HCRTR2: variants seen among roughly 807,000 people sequenced by gnomAD.
HCRTR2 encodes the protein orexin receptor type 2.
In HCRTR2, 22 loss-of-function variants were observed where a neutral mutation model predicts 49.0. The ratio of observed to expected loss-of-function variants is 0.45; its 90% CI spans 0.32 to 0.64. The LOEUF (loss-of-function observed/expected upper bound fraction) is 0.64. HCRTR2 is among the 30% of genes least tolerant of loss of function. The probability of loss-of-function intolerance (pLI) is 0.04; values close to 1 mark genes in which losing one functional copy is unlikely to be tolerated. For missense variants in HCRTR2, 491 were observed against 559.4 expected (o/e 0.88, Z 1.23); for synonymous variants, 236 against 205.3 (o/e 1.15, Z -1.28).
At chr6:55,184,766 T>C (rs1765189835) in intron 1 of HCRTR2, among the ~76,000 whole-genome samples, 1 of 152,214 alleles carries the variant, frequency 6.6e-6, no homozygotes, top group Admixed American at 6.5e-5. Flanking sequence ...AATTATAATA[T>C]CCTTTTGTAG....
At chr6:55,169,897 C>T (rs1764924401), upstream of HCRTR2, among the ~76,000 whole-genome samples, 2 of 151,878 alleles carry the variant, frequency 1.3e-5, no homozygotes, top group African/African-American at 2.4e-5. Flanking sequence ...TAGCCGAACT[C>T]CTGGACACAC....
intron 1 of HCRTR2, among the ~76,000 whole-genome samples, chr6:55,113,941 A>G (rs2127611456): frequency 6.6e-6 from 1 of 151,852 alleles, no homozygotes; most frequent in African/African-American, 2.4e-5. Context: ...GGTATATATA[A>G]TGGAATACTA....
At position 55,277,273 on chromosome 6, in the gene HCRTR2, A is replaced by C. The variant is rs768132009; in HGVS notation, c.763-107A>C. On this transcript the variant is annotated intron_variant, in intron 4 of 6. Transcript: ENST00000370862. ...AGAAACAGGCGCTCAAACCTCCCAC[A>C]CCTCAGGCGTCTGGAAGCCTTTCCT... is the stretch of plus-strand genomic sequence containing the variant. 4.5e-6 allele frequency: 4 copies of C among 888,988 alleles called. 1 individual carries two copies. The Admixed American group carries it at 5.8e-5, about 13-fold the overall frequency. The allele number at this position is 888,988 out of a possible 1,614,324, so 55.1% of individuals were successfully genotyped here. A position where few individuals can be genotyped will look rare whatever the true frequency, so the allele number is the denominator to read the frequency against.
intron 4 of HCRTR2, among the ~76,000 whole-genome samples, chr6:55,274,239 GTA>G (rs61667408): frequency 0.49 from 57,785 of 119,122 alleles, 17,569 homozygotes; most frequent in South Asian, 0.59. Flanking sequence ...ATCATTTTCA[GTA>G]TATATATATA....
chr6:55,181,157 A>G (rs566662665), intron 1 of HCRTR2, among the ~76,000 whole-genome samples: 1 of 66,494 alleles, frequency 1.5e-5, no homozygotes, highest in Non-Finnish European at 3.7e-5. Context: ...TCAGAATAAT[A>G]TATTATATGT....
intron 1 of HCRTR2, among the ~76,000 whole-genome samples, chr6:55,117,853 C>G (rs1453010412): frequency 2.8e-5 from 4 of 143,074 alleles, no homozygotes; most frequent in African/African-American, 9.9e-5. Flanking sequence ...ATTTTTACTT[C>G]CCTCCACAGA....
intron 1 of HCRTR2, among the ~76,000 whole-genome samples, chr6:55,221,656 A>T (rs1176862279): frequency 3.3e-5 from 5 of 151,874 alleles, no homozygotes; most frequent in Admixed American, 2.6e-4. Context: ...TACTAAAAAT[A>T]CAAAAAATTA....
chr6:55,231,356 G>A (rs1426743749), intron 1 of HCRTR2, among the ~76,000 whole-genome samples: 1 of 152,226 alleles, frequency 6.6e-6, no homozygotes, highest in South Asian at 2.1e-4. Context: ...TCTCTTTTAA[G>A]AGAAGTAAGA....
intron 1 of HCRTR2, among the ~76,000 whole-genome samples, chr6:55,167,852 AAG>A (rs1327395811): frequency 6.6e-5 from 10 of 152,296 alleles, no homozygotes; most frequent in African/African-American, 2.2e-4. Flanking sequence ...TTGAAAAGAA[AAG>A]AGAATTTTTA....
intron 1 of HCRTR2, among the ~76,000 whole-genome samples, chr6:55,247,596 T>G (rs1766470507): frequency 6.6e-6 from 1 of 152,088 alleles, no homozygotes; most frequent in South Asian, 2.1e-4. Context: ...AGCAAACCCA[T>G]GAATAGATGT....
chr6:55,248,896 A>G, intron 2 of HCRTR2, 79 bp downstream of exon 2: 1 of 1,161,888 alleles, frequency 8.6e-7, no homozygotes, highest in Non-Finnish European at 1.3e-6. Context: ...TAAATTAACT[A>G]GTGAGTTGAG....
In HCRTR2 at chr6:55,244,148, A is replaced by C. The variant is rs146482857; in HGVS notation, c.224-4491A>C. The stretch of plus-strand genomic sequence containing the variant: ...ACATTATAAGGGATAAAGGGCAAAA[A>C]TTCAACAGAAACCCAGTTACTATTG... On this transcript the variant is annotated intron_variant, in intron 1 of 6. Transcript: ENST00000370862. 3.8e-3 allele frequency among the ~76,000 whole-genome samples: 580 copies of C among 152,134 alleles called. 3 individuals carry two copies. The highest frequency in any genetic ancestry group is 0.017 in the Middle Eastern group (5 of 294).
In HCRTR2 at chr6:55,174,549, G is replaced by A. The variant is rs1765000871; in HGVS notation, c.-39G>A. 1 of 1,529,716 alleles carries A rather than the reference G, an allele frequency of 6.5e-7. No homozygotes were observed. Among genetic ancestry groups the A allele is most frequent in the African/African-American group, 1.4e-5 (1 of 73,272 alleles). The allele number at this position is 1,529,716 out of a possible 1,614,324, so 94.8% of individuals were successfully genotyped here. A position where few individuals can be genotyped will look rare whatever the true frequency, so the allele number is the denominator to read the frequency against. On this transcript the variant is annotated 5_prime_UTR_variant, in exon 1 of 7. Coordinates refer to ENST00000370862, the MANE Select transcript of HCRTR2 (RefSeq NM_001384272.1). ...CAGTGCTCATGGGGCAGGCGGAGAG[G>A]AGCTTGCAGCATTGAGCGGAACCGG...
intron 1 of HCRTR2, among the ~76,000 whole-genome samples, chr6:55,133,986 C>T (rs1451249297): frequency 1.3e-5 from 2 of 151,848 alleles, no homozygotes; most frequent in African/African-American, 4.8e-5. Context: ...TCAAATGTCA[C>T]TTAGTAAATG....
chr6:55,185,833 A>G (rs1321698755), intron 1 of HCRTR2, among the ~76,000 whole-genome samples: 1 of 152,214 alleles, frequency 6.6e-6, no homozygotes, highest in Non-Finnish European at 1.5e-5. Context: ...TTTTCCTTGA[A>G]TAGACAATAT....
intron 1 of HCRTR2, among the ~76,000 whole-genome samples, chr6:55,145,553 G>C (rs902767686): frequency 6.6e-6 from 1 of 152,028 alleles, no homozygotes; most frequent in Non-Finnish European, 1.5e-5. Context: ...TGGGACTACA[G>C]ACGCCCGCCA....
chr6:55,270,444 C>T (rs1766951500), intron 4 of HCRTR2, among the ~76,000 whole-genome samples: 1 of 152,102 alleles, frequency 6.6e-6, no homozygotes, highest in Non-Finnish European at 1.5e-5. Context: ...TCATTATATT[C>T]AGTCTCAGAA....
At chr6:55,147,686 T>C (rs1764613746) in intron 1 of HCRTR2, among the ~76,000 whole-genome samples, 1 of 152,192 alleles carries the variant, frequency 6.6e-6, no homozygotes, top group Non-Finnish European at 1.5e-5. Context: ...GTTTGATACT[T>C]CTTCTTTTTA....
chr6:55,268,734 A>C (rs1379853387), intron 4 of HCRTR2, among the ~76,000 whole-genome samples: 1 of 152,192 alleles, frequency 6.6e-6, no homozygotes, highest in Non-Finnish European at 1.5e-5. Context: ...AGTAGAATTA[A>C]GGAGACAAGT....
Sources: gnomAD v4.1 joint callset for allele counts (sites outside exome capture counted in the v4.1 genomes callset) on GRCh38, gnomAD v4.1.1 for gene constraint, MANE v1.5 for transcripts, NCBI Gene and HGNC (gene_info 2026-07-23, HGNC 2026-07-21) for gene names.